ZNF827: variants seen among roughly 807,000 people sequenced by gnomAD.
ZNF827 encodes zinc finger protein 827.
A neutral mutation model predicts 102.4 loss-of-function variants in ZNF827; 13 were observed. That is an observed-to-expected ratio of 0.13 (90% CI 0.08 to 0.20). The LOEUF is 0.20. Among genes scored for constraint, ZNF827 ranks in the 10% least tolerant of loss-of-function variants. ZNF827 has a pLI of 1.00. For missense variants in ZNF827, 1,103 were observed against 1,344.4 expected (o/e 0.82, Z 2.81); for synonymous variants, 523 against 536.2 (o/e 0.98, Z 0.34).
chr4:145,813,143 G>A (rs745637450), intron 8 of ZNF827, among the ~76,000 whole-genome samples: 2 of 152,008 alleles, frequency 1.3e-5, no homozygotes, highest in Non-Finnish European at 2.9e-5. Flanking sequence ...CCACGATCCA[G>A]GATCACCAAA....
chr4:145,774,507 T>C lies in ZNF827; in HGVS notation c.2859A>G (p.Thr953=), dbSNP rs202043591. The change falls in exon 11 of 15, where the codon ACA becomes ACG. Residue 953 remains threonine (T), a splice_region_variant and synonymous_variant. Transcript: ENST00000508784. ...AGAAGGACAGACAGGAATGGTCACC[T>C]GTGTGCTTGGTGCCAATGTGAGTCT... ...EIKTHIGTKH[T]GEDRKTPSES... is the part of the protein sequence containing the mutation. The C allele has an allele frequency of 1.6e-4, 251 of 1,609,618 alleles. No homozygotes were observed. The highest frequency in any genetic ancestry group is 2.0e-4 in the Non-Finnish European group (234 of 1,177,908).
chr4:145,763,852 C>T lies in ZNF827; in HGVS notation c.3231-730G>A, dbSNP rs1175207180. The stretch of plus-strand genomic sequence containing the variant: ...CACCCCCTCCCCAATCCCTTCTGCC[C>T]TCCCCTCCCCCTCCCCCAAGAGTGA... On this transcript the variant is annotated intron_variant, in intron 13 of 14. Coordinates refer to ENST00000508784, the MANE Select transcript of ZNF827 (RefSeq NM_001306215.2). The surrounding 1 kb of genome is among the most constrained non-coding windows in gnomAD (Gnocchi z 4.6). Among the ~76,000 whole-genome samples the T allele has an allele frequency of 1.3e-5, 2 of 152,142 alleles. No individual in the cohort carries two copies. Among genetic ancestry groups the T allele is most frequent in the Admixed American group, 6.5e-5 (1 of 15,274 alleles).
At chr4:145,903,437 G>C (rs1204481505) in intron 1 of ZNF827, among the ~76,000 whole-genome samples, 1 of 152,156 alleles carries the variant, frequency 6.6e-6, no homozygotes, top group African/African-American at 2.4e-5. Context: ...AAGTAGTCCA[G>C]ATAAGTTGAA....
chr4:145,872,874 C>CA (rs1237150207), intron 4 of ZNF827, among the ~76,000 whole-genome samples: 2 of 146,866 alleles, frequency 1.4e-5, no homozygotes, highest in Non-Finnish European at 3.0e-5. Context: ...GATTCTGTCT[C>CA]AAAAAAACAA....
At chr4:145,770,583 AACAT>A (rs1231357286) in intron 11 of ZNF827, among the ~76,000 whole-genome samples, 2 of 151,624 alleles carry the variant, frequency 1.3e-5, no homozygotes, top group African/African-American at 4.8e-5. Flanking sequence ...TCTATTATAA[AACAT>A]ACATAATAAA....
chr4:145,930,583 A>C (rs1010908810), intron 1 of ZNF827, among the ~76,000 whole-genome samples: 1 of 152,244 alleles, frequency 6.6e-6, no homozygotes, highest in African/African-American at 2.4e-5. Flanking sequence ...ACAGAAGCAA[A>C]GTGTATCTAA....
intron 5 of ZNF827, among the ~76,000 whole-genome samples, chr4:145,859,268 C>A (rs1747476721): frequency 6.6e-6 from 1 of 152,004 alleles, no homozygotes; most frequent in Non-Finnish European, 1.5e-5. Flanking sequence ...CCAAACAGGG[C>A]TTGGAAAATG....
intron 1 of ZNF827, among the ~76,000 whole-genome samples, chr4:145,929,044 A>C (rs1475818375): frequency 6.6e-6 from 1 of 152,210 alleles, no homozygotes; most frequent in Non-Finnish European, 1.5e-5. Flanking sequence ...GAAACCTCCG[A>C]TTTCCAAAAT....
At chr4:145,779,316 A>G (rs1362745591) in intron 9 of ZNF827, 58 bp downstream of exon 9, 1 of 1,566,774 alleles carries the variant, frequency 6.4e-7, no homozygotes, top group Non-Finnish European at 8.6e-7. Context: ...GTTTCCGGAG[A>G]GTAAAGAAGT....
At chr4:145,876,679 C>T (rs1385029172) in intron 4 of ZNF827, 1 of 152,152 alleles carries the variant, frequency 6.6e-6, no homozygotes, top group Non-Finnish European at 1.5e-5. Flanking sequence ...AAATACATTT[C>T]CCAAATAACA....
At chr4:145,931,872 CCT>C (rs1753830233) in intron 1 of ZNF827, among the ~76,000 whole-genome samples, 1 of 152,216 alleles carries the variant, frequency 6.6e-6, no homozygotes, top group Non-Finnish European at 1.5e-5. Flanking sequence ...CCATCATTTC[CCT>C]CTCTCACACC....
chr4:145,923,452 A>C (rs1290666290), intron 1 of ZNF827, among the ~76,000 whole-genome samples: 1 of 145,706 alleles, frequency 6.9e-6, no homozygotes, highest in African/African-American at 2.5e-5. Flanking sequence ...TACAAATGTA[A>C]AAAAAAAAAA....
Position 145,763,599 on chromosome 4 carries a change from T to A in ZNF827, c.3231-477A>T, listed in dbSNP as rs1300927944. 6.6e-6 allele frequency among the ~76,000 whole-genome samples: 1 copy of A among 152,200 alleles called. No homozygotes were observed. Among genetic ancestry groups the A allele is most frequent in the Non-Finnish European group, 1.5e-5 (1 of 68,030 alleles). Reference sequence around the variant, plus strand: ...TGGAGGTCCCTGAGGAAAGGCGAACTGGCAAAGCCACAACTGGCAGGGGCT... The same window carrying A: ...TGGAGGTCCCTGAGGAAAGGCGAACAGGCAAAGCCACAACTGGCAGGGGCT... On this transcript the variant is annotated intron_variant, in intron 13 of 14. Coordinates refer to ENST00000508784, the MANE Select transcript of ZNF827 (RefSeq NM_001306215.2). This position sits in a 1 kb window ranked among gnomAD's most constrained non-coding sequence, Gnocchi z 4.6.
chr4:145,796,048 A>G (rs1172115455), intron 8 of ZNF827, among the ~76,000 whole-genome samples: 1 of 152,218 alleles, frequency 6.6e-6, no homozygotes, highest in Non-Finnish European at 1.5e-5. Context: ...CCACTGAACC[A>G]TTCTTTCAGG....
chr4:145,813,080 C>A (rs900153832), intron 8 of ZNF827, among the ~76,000 whole-genome samples: 1 of 152,112 alleles, frequency 6.6e-6, no homozygotes, highest in African/African-American at 2.4e-5. Context: ...CATTAAACGC[C>A]CATTAGTCAC....
chr4:145,895,105 A>G (rs1750876099), intron 2 of ZNF827, among the ~76,000 whole-genome samples: 1 of 152,212 alleles, frequency 6.6e-6, no homozygotes. Flanking sequence ...TCAAATTCCT[A>G]AACTACCTAA....
At chr4:145,787,335 C>T (rs532712035) in intron 8 of ZNF827, among the ~76,000 whole-genome samples, 13 of 151,958 alleles carry the variant, frequency 8.6e-5, no homozygotes, top group Middle Eastern at 3.4e-3. Flanking sequence ...TGGTGGCGCG[C>T]GCCTGTAGTC....
rs529028593 is a variant in ZNF827, at chr4:145,762,369, C to T, written c.*17+721G>A. Among the ~76,000 whole-genome samples, 1 of 152,166 alleles carries T rather than the reference C, an allele frequency of 6.6e-6. No homozygotes were observed. Among genetic ancestry groups the T allele is most frequent in the East Asian group, 1.9e-4 (1 of 5,182 alleles). On this transcript the variant is annotated intron_variant, in intron 14 of 14. Transcript: ENST00000508784. The surrounding 1 kb of genome is among the most constrained non-coding windows in gnomAD (Gnocchi z 4.9). The stretch of plus-strand genomic sequence containing the variant: ...AGGGAGACAACTGCTATCTGGAGCT[C>T]GAAGACATTATTAATACATGATTAT...
chr4:145,929,131 G>C (rs1372564086), intron 1 of ZNF827, among the ~76,000 whole-genome samples: 3 of 152,166 alleles, frequency 2.0e-5, no homozygotes, highest in African/African-American at 7.2e-5. Flanking sequence ...CCTACGATAT[G>C]ATCTCTCTTT....
Sources: gnomAD v4.1 joint callset for allele counts (sites outside exome capture counted in the v4.1 genomes callset) on GRCh38, gnomAD v4.1.1 for gene constraint, Gnocchi (gnomAD v3.1) non-coding constraint, MANE v1.5 for transcripts, NCBI Gene and HGNC (gene_info 2026-07-23, HGNC 2026-07-21) for gene names.